SCCPDH: variants seen among roughly 807,000 people sequenced by gnomAD.
The protein encoded by SCCPDH is saccharopine dehydrogenase-like oxidoreductase.
A neutral mutation model predicts 51.5 loss-of-function variants in SCCPDH; 34 were observed. The observed-to-expected ratio is 0.66, with a 90% CI of 0.50 to 0.88. The LOEUF (loss-of-function observed/expected upper bound fraction) is 0.88, where lower values mean the gene tolerates loss of function less well. Ranked by LOEUF, SCCPDH falls within the 40% of genes least tolerant of loss-of-function variation. SCCPDH has a pLI of 0.00. For synonymous variants in SCCPDH, 187 were observed against 191.3 expected, an observed-to-expected ratio of 0.98 and a Z score of 0.19; for missense variants, 464 against 527.1, an observed-to-expected ratio of 0.88 and a Z score of 1.17.
intron 5 of SCCPDH, among the ~76,000 whole-genome samples, chr1:246,746,423 C>T (rs983575859): frequency 2.6e-5 from 4 of 152,148 alleles, no homozygotes; most frequent in Non-Finnish European, 5.9e-5. Flanking sequence ...GTAACCAGGC[C>T]CAGGACGCGG....
chr1:246,754,584 ACT>A (rs1668902358), intron 5 of SCCPDH, among the ~76,000 whole-genome samples: 2 of 152,108 alleles, frequency 1.3e-5, no homozygotes, highest in Admixed American at 6.6e-5. Flanking sequence ...CTTCGGCAAG[ACT>A]CACGTCTCCA....
chr1:246,726,598 G>C (rs1668403807), intron 1 of SCCPDH, among the ~76,000 whole-genome samples: 1 of 152,114 alleles, frequency 6.6e-6, no homozygotes, highest in African/African-American at 2.4e-5. Flanking sequence ...ATTTAAACTT[G>C]ATTGTGAAAT....
chr1:246,746,646 G>A (rs946174470), intron 5 of SCCPDH, among the ~76,000 whole-genome samples: 3 of 152,128 alleles, frequency 2.0e-5, no homozygotes, highest in African/African-American at 7.2e-5. Context: ...TTTGAGACCA[G>A]CCTGGCCAAT....
At chr1:246,733,294 C>T (rs1259420370) in intron 2 of SCCPDH, among the ~76,000 whole-genome samples, 1 of 151,912 alleles carries the variant, frequency 6.6e-6, no homozygotes, top group Non-Finnish European at 1.5e-5. Context: ...GCCCTGTTGC[C>T]CAGGCTGGTC....
chr1:246,758,540 T>C (rs1668965005), intron 6 of SCCPDH, among the ~76,000 whole-genome samples, 184 bp downstream of exon 6: 1 of 152,162 alleles, frequency 6.6e-6, no homozygotes. Flanking sequence ...AAATAAGATA[T>C]AATTAATCCA....
intron 9 of SCCPDH, among the ~76,000 whole-genome samples, chr1:246,761,231 C>T (rs1048297164): frequency 2.1e-4 from 32 of 152,312 alleles, no homozygotes; most frequent in African/African-American, 6.0e-4. Flanking sequence ...TGCGCCACCA[C>T]GCCCGGATAA....
chr1:246,747,537 C>T (rs980558623), intron 5 of SCCPDH, among the ~76,000 whole-genome samples: 3 of 152,168 alleles, frequency 2.0e-5, no homozygotes, highest in African/African-American at 7.2e-5. Context: ...AGAAATAGCG[C>T]TGAAACATAA....
chr1:246,749,474 C>G (rs999834920), intron 5 of SCCPDH, among the ~76,000 whole-genome samples: 15 of 152,102 alleles, frequency 9.9e-5, no homozygotes, highest in African/African-American at 3.6e-4. Context: ...TCAAAGGATC[C>G]TATGGGGTCC....
chr1:246,740,928 AAATT>A (rs1668666631), intron 4 of SCCPDH, among the ~76,000 whole-genome samples: 1 of 152,036 alleles, frequency 6.6e-6, no homozygotes, highest in African/African-American at 2.4e-5. Context: ...AAATAAAAAA[AAATT>A]AGCCAGGTGT....
chr1:246,757,343 T>TC (rs1668945829), intron 5 of SCCPDH, among the ~76,000 whole-genome samples: 1 of 32,660 alleles, frequency 3.1e-5, no homozygotes, highest in African/African-American at 1.3e-4. Context: ...AGACTCTGTC[T>TC]CAAAAAAAAA....
intron 5 of SCCPDH, among the ~76,000 whole-genome samples, chr1:246,753,063 CTCTCTT>C (rs1420792127): frequency 2.0e-5 from 3 of 151,776 alleles, no homozygotes; most frequent in Admixed American, 6.6e-5. Context: ...CTCTCTCTCT[CTCTCTT>C]TCTCTCTCCT....
intron 7 of SCCPDH, 139 bp from the exon 8 acceptor site, chr1:246,759,818 A>T: frequency 1.1e-6 from 1 of 903,734 alleles, no homozygotes. Context: ...ACAAGATTTC[A>T]GAACATAATG....
intron 1 of SCCPDH, 133 bp from the exon 2 acceptor site, chr1:246,726,759 C>G: frequency 1.6e-6 from 1 of 627,912 alleles, no homozygotes; most frequent in Non-Finnish European, 2.7e-6. Flanking sequence ...TATCTTTTGT[C>G]TAAGCAGGAG....
intron 1 of SCCPDH, 26 bp downstream of exon 1, chr1:246,724,638 T>C: frequency 7.0e-7 from 1 of 1,438,282 alleles, no homozygotes; most frequent in Non-Finnish European, 9.0e-7. Flanking sequence ...GGGACGGGGC[T>C]GCGCGGGCGG....
intron 11 of SCCPDH, 144 bp downstream of exon 11, chr1:246,766,283 A>G: frequency 1.6e-6 from 1 of 621,382 alleles, no homozygotes; most frequent in African/African-American, 1.8e-5. Flanking sequence ...GTAAATTAAA[A>G]CTGTGAGAAG....
intron 5 of SCCPDH, among the ~76,000 whole-genome samples, chr1:246,755,084 AT>A (rs1668910221): frequency 6.6e-6 from 1 of 152,226 alleles, no homozygotes; most frequent in South Asian, 2.1e-4. Flanking sequence ...AGAGTAAGTA[AT>A]AGAAAGTGTA....
intron 4 of SCCPDH, among the ~76,000 whole-genome samples, chr1:246,742,806 C>T (rs1668700116): frequency 6.6e-6 from 1 of 152,082 alleles, no homozygotes; most frequent in South Asian, 2.1e-4. Flanking sequence ...TTAGCCAGCC[C>T]ATTATATTTT....
At chr1:246,751,947 T>A (rs934126555) in intron 5 of SCCPDH, among the ~76,000 whole-genome samples, 46 of 149,578 alleles carry the variant, frequency 3.1e-4, no homozygotes, top group African/African-American at 1.2e-3. Flanking sequence ...TAATTTTTTT[T>A]TTTTTGTATT....
At chr1:246,765,637 G>C (rs1052721306) in intron 10 of SCCPDH, among the ~76,000 whole-genome samples, 10 of 152,134 alleles carry the variant, frequency 6.6e-5, no homozygotes, top group Admixed American at 2.0e-4. Context: ...GATCGGCTCA[G>C]TGTACAATAG....
Sources: gnomAD v4.1 joint callset for allele counts (sites outside exome capture counted in the v4.1 genomes callset) on GRCh38, gnomAD v4.1.1 for gene constraint, MANE v1.5 for transcripts, NCBI Gene and HGNC (gene_info 2026-07-23, HGNC 2026-07-21) for gene names.